CNTNAP2: variants seen among roughly 807,000 people sequenced by gnomAD.
The protein encoded by CNTNAP2 is contactin associated protein 2.
A neutral mutation model predicts 155.2 loss-of-function variants in CNTNAP2; 98 were observed. That is an observed-to-expected ratio of 0.63 (90% CI 0.54 to 0.75). The LOEUF is 0.75. Among genes scored for constraint, CNTNAP2 ranks in the 30% least tolerant of loss-of-function variants. The probability of loss-of-function intolerance (pLI) is 0.00; values close to 1 mark genes in which losing one functional copy is unlikely to be tolerated. For synonymous variants in CNTNAP2, 651 were observed against 631.2 expected (o/e 1.03, Z -0.47); for missense variants, 1,727 against 1,688.1 (o/e 1.02, Z -0.40).
At chr7:147,159,406 A>G (rs1408348118) in intron 8 of CNTNAP2, among the ~76,000 whole-genome samples, 1 of 152,118 alleles carries the variant, frequency 6.6e-6, no homozygotes, top group African/African-American at 2.4e-5. Context: ...GTTGAACTAA[A>G]ATAAAATTAG....
chr7:147,338,978 G>T (rs1050694021), intron 9 of CNTNAP2, among the ~76,000 whole-genome samples: 4 of 151,818 alleles, frequency 2.6e-5, no homozygotes, highest in African/African-American at 9.7e-5. Context: ...TCATCTTAAG[G>T]TACTTGTATC....
intron 3 of CNTNAP2, among the ~76,000 whole-genome samples, chr7:147,003,289 C>T (rs74899850): frequency 0.021 from 3,128 of 151,578 alleles, 107 homozygotes; most frequent in African/African-American, 0.072. Context: ...TGATCTTGTA[C>T]GTAATTATAA....
intron 1 of CNTNAP2, among the ~76,000 whole-genome samples, chr7:146,224,694 G>A (rs534618256): frequency 2.4e-4 from 36 of 152,202 alleles, no homozygotes; most frequent in Middle Eastern, 3.4e-3. Context: ...GCGTGAACCC[G>A]GGAGGCGGAG....
At chr7:147,623,751 AT>A (rs1491268446) in intron 12 of CNTNAP2, among the ~76,000 whole-genome samples, 1 of 143,662 alleles carries the variant, frequency 7.0e-6, no homozygotes, top group Non-Finnish European at 1.5e-5. Flanking sequence ...AAAAAAAAAA[AT>A]TTTAAATTTA....
intron 1 of CNTNAP2, among the ~76,000 whole-genome samples, chr7:146,336,230 ATATT>A (rs1424996145): frequency 2.6e-5 from 4 of 151,928 alleles, no homozygotes; most frequent in African/African-American, 9.7e-5. Context: ...AACAATGTAA[ATATT>A]TATCTATAGT....
At chr7:147,349,678 A>G (rs752879363) in intron 9 of CNTNAP2, among the ~76,000 whole-genome samples, 1 of 151,938 alleles carries the variant, frequency 6.6e-6, no homozygotes, top group Non-Finnish European at 1.5e-5. Context: ...TCTATCTGCC[A>G]TACTTCTTAT....
chr7:147,103,562 C>T (rs937715883), intron 4 of CNTNAP2, among the ~76,000 whole-genome samples: 1 of 151,888 alleles, frequency 6.6e-6, no homozygotes, highest in Non-Finnish European at 1.5e-5. Context: ...TACATTTTTA[C>T]TATTTTTTTA....
intron 3 of CNTNAP2, among the ~76,000 whole-genome samples, chr7:146,851,087 C>T (rs1407417869): frequency 3.3e-5 from 5 of 152,086 alleles, no homozygotes; most frequent in South Asian, 2.1e-4. Flanking sequence ...CAAGTTCAAG[C>T]GATTCTCCTG....
At chr7:147,487,632 T>C (rs1279479848) in intron 11 of CNTNAP2, among the ~76,000 whole-genome samples, 1 of 152,182 alleles carries the variant, frequency 6.6e-6, no homozygotes, top group African/African-American at 2.4e-5. Context: ...TGATGGCTTT[T>C]ACATTGAACT....
rs143843389 is a variant in CNTNAP2 at position 147,681,764 on chromosome 7, A to T, written c.2098+42458A>T. Among the ~76,000 whole-genome samples the T allele has an allele frequency of 3.5e-3, 533 of 151,956 alleles. 3 individuals carry two copies. Among genetic ancestry groups the T allele is most frequent in the African/African-American group, 0.012 (516 of 41,504 alleles). On this transcript the variant is annotated intron_variant, in intron 13 of 23. Coordinates refer to ENST00000361727, the MANE Select transcript of CNTNAP2 (RefSeq NM_014141.6). ...CTGTACTTTCAGTTAACTGCAGCCAACTGTGGTCTGAAACTATCACAGTAT... is the reference window on the plus strand; with the variant it reads ...CTGTACTTTCAGTTAACTGCAGCCATCTGTGGTCTGAAACTATCACAGTAT...
intron 13 of CNTNAP2, among the ~76,000 whole-genome samples, chr7:147,826,554 T>C (rs1798453579): frequency 6.6e-6 from 1 of 152,334 alleles, no homozygotes; most frequent in Admixed American, 6.5e-5. Flanking sequence ...ATATGATCCA[T>C]AGACTTATCA....
intron 1 of CNTNAP2, among the ~76,000 whole-genome samples, chr7:146,679,735 GT>G (rs1800469518): frequency 6.6e-6 from 1 of 151,396 alleles, no homozygotes; most frequent in Non-Finnish European, 1.5e-5. Context: ...TCTTTTCTCT[GT>G]TAATCTCTTT....
intron 20 of CNTNAP2, among the ~76,000 whole-genome samples, chr7:148,258,331 C>T (rs184819339): frequency 2.4e-4 from 37 of 152,316 alleles, no homozygotes; most frequent in African/African-American, 8.9e-4. Context: ...AGAGTCACAC[C>T]TAATCCTACT....
chr7:148,405,672 G>C (rs1013023904), intron 22 of CNTNAP2, among the ~76,000 whole-genome samples: 2 of 127,206 alleles, frequency 1.6e-5, no homozygotes, highest in African/African-American at 6.3e-5. Context: ...CTGGAGTGCA[G>C]TGGCACGATC....
chr7:147,851,299 T>C (rs572431359), intron 13 of CNTNAP2, among the ~76,000 whole-genome samples: 3 of 152,188 alleles, frequency 2.0e-5, no homozygotes, highest in African/African-American at 4.8e-5. Flanking sequence ...TGTGGAGAAA[T>C]AGGAACACTT....
At chr7:147,609,121 C>T (rs1801130654) in intron 12 of CNTNAP2, among the ~76,000 whole-genome samples, 2 of 152,184 alleles carry the variant, frequency 1.3e-5, no homozygotes, top group African/African-American at 4.8e-5. Context: ...TATTGAACTT[C>T]TGTAGACTAA....
intron 21 of CNTNAP2, among the ~76,000 whole-genome samples, chr7:148,365,704 T>A (rs548186978): frequency 4.6e-4 from 25 of 54,704 alleles, no homozygotes; most frequent in African/African-American, 1.4e-3. Flanking sequence ...ATATGTATAC[T>A]TTTATATATA....
chr7:148,311,945 G>C (rs900971049), intron 21 of CNTNAP2, among the ~76,000 whole-genome samples: 3 of 152,198 alleles, frequency 2.0e-5, no homozygotes, highest in African/African-American at 4.8e-5. Context: ...GTCTGGGCCA[G>C]GAACAATGGT....
chr7:146,198,095 C>T (rs1798802657), intron 1 of CNTNAP2, among the ~76,000 whole-genome samples: 1 of 152,068 alleles, frequency 6.6e-6, no homozygotes, highest in Non-Finnish European at 1.5e-5. Flanking sequence ...ATCCAATCAC[C>T]TCCCACCAAG....
Sources: gnomAD v4.1 joint callset for allele counts (sites outside exome capture counted in the v4.1 genomes callset) on GRCh38, gnomAD v4.1.1 for gene constraint, MANE v1.5 for transcripts, NCBI Gene and HGNC (gene_info 2026-07-23, HGNC 2026-07-21) for gene names.